The following ZNF831 variants were observed in gnomAD, a reference collection of about 807,000 sequenced individuals.
ZNF831 encodes the protein zinc finger protein 831.
ZNF831 carries 59 observed loss-of-function variants against 95.8 expected under a neutral mutation model. The observed-to-expected ratio is 0.62, with a 90% confidence interval of 0.50 to 0.77. The LOEUF is 0.77. ZNF831 is among the 30% of genes least tolerant of loss of function. The probability of loss-of-function intolerance (pLI) is 0.00; values close to 1 mark genes in which losing one functional copy is unlikely to be tolerated. For missense variants in ZNF831, 2,205 were observed against 2,164.0 expected (o/e 1.02, Z -0.38); for synonymous variants, 961 against 925.5 (o/e 1.04, Z -0.70).
intron 4 of ZNF831, among the ~76,000 whole-genome samples, chr20:59,243,848 A>T (rs552306236): frequency 1.6e-4 from 25 of 152,334 alleles, no homozygotes; most frequent in African/African-American, 5.8e-4. Context: ...TACAATTTTC[A>T]TTTAGAGTTA....
Position 59,217,693 on chromosome 20 carries a change from G to T in ZNF831, c.4027+10637G>T, listed in dbSNP as rs893080508. The stretch of plus-strand genomic sequence containing the variant: ...CAGCCCTCCTTGATTCTCACTAGGG[G>T]TCTGTTATCCATTCTGTCCGTGGAA... On this transcript the variant is annotated intron_variant, in intron 4 of 5. Transcript: ENST00000371030. This position sits in a 1 kb window ranked among gnomAD's most constrained non-coding sequence, Gnocchi z 4.4. 1.3e-5 allele frequency among the ~76,000 whole-genome samples: 2 copies of T among 152,144 alleles called. No individual in the cohort carries two copies. The highest frequency in any genetic ancestry group is 6.5e-5 in the Admixed American group (1 of 15,278).
chr20:59,215,157 T>C (rs1985593928), intron 4 of ZNF831, among the ~76,000 whole-genome samples: 1 of 152,248 alleles, frequency 6.6e-6, no homozygotes, highest in Non-Finnish European at 1.5e-5. Flanking sequence ...TGCTCTTATA[T>C]ATTTCCTTAG....
intron 1 of ZNF831, among the ~76,000 whole-genome samples, chr20:59,178,902 G>C (rs138619411): frequency 4.6e-5 from 7 of 152,222 alleles, no homozygotes; most frequent in African/African-American, 1.7e-4. Flanking sequence ...GTGGGATTTG[G>C]GTCGTCCTCC....
intron 3 of ZNF831, 138 bp from the exon 4 acceptor site, chr20:59,206,767 C>T: frequency 1.2e-6 from 1 of 865,470 alleles, no homozygotes; most frequent in Non-Finnish European, 1.8e-6. Flanking sequence ...ATGGAGGGAT[C>T]AGGAGTTGCT....
chr20:59,246,075 G>T (rs981353918), intron 4 of ZNF831, among the ~76,000 whole-genome samples: 1 of 152,070 alleles, frequency 6.6e-6, no homozygotes, highest in African/African-American at 2.4e-5. Context: ...TCACGGGCCT[G>T]GGCCAGCTCA....
chr20:59,131,922 A>G (rs1284130148), intron 1 of ZNF831, among the ~76,000 whole-genome samples: 1 of 152,120 alleles, frequency 6.6e-6, no homozygotes, highest in Non-Finnish European at 1.5e-5. Context: ...ACTTTTTTTC[A>G]TTATAAAAAT....
chr20:59,137,254 T>G (rs1381939476), intron 1 of ZNF831, among the ~76,000 whole-genome samples: 1 of 149,856 alleles, frequency 6.7e-6, no homozygotes, highest in Non-Finnish European at 1.5e-5. Flanking sequence ...TGCACTAATA[T>G]GCCTTTAATA....
intron 1 of ZNF831, among the ~76,000 whole-genome samples, chr20:59,167,384 G>T (rs1388598992): frequency 3.3e-5 from 5 of 151,064 alleles, no homozygotes; most frequent in African/African-American, 9.7e-5. Flanking sequence ...CAGATCTGTA[G>T]CTAGTTTTTT....
rs554719392 is a variant in ZNF831 at position 59,169,636 on chromosome 20, C to T, written c.-37+5429C>T. Among the ~76,000 whole-genome samples, 10 of 152,004 alleles carry T rather than the reference C, an allele frequency of 6.6e-5. 1 individual carries two copies. Among genetic ancestry groups the T allele is most frequent in the South Asian group, 6.2e-4 (3 of 4,808 alleles). ...CAAAAATTAGCCCGGTGTGGTGGTGCGCACCTGTAATCCCAGCATGTTGCA... is the reference window on the plus strand; with the variant it reads ...CAAAAATTAGCCCGGTGTGGTGGTGTGCACCTGTAATCCCAGCATGTTGCA... On this transcript the variant is annotated intron_variant, in intron 1 of 5. Transcript: ENST00000371030. This position sits in a 1 kb window ranked among gnomAD's most constrained non-coding sequence, Gnocchi z 4.1.
intron 1 of ZNF831, among the ~76,000 whole-genome samples, chr20:59,176,717 CAT>C (rs767920139): frequency 6.6e-6 from 1 of 152,230 alleles, no homozygotes; most frequent in Non-Finnish European, 1.5e-5. Context: ...AGGGTTAACT[CAT>C]ATAATATTCT....
At chr20:59,248,344 C>G (rs937336538) in intron 4 of ZNF831, among the ~76,000 whole-genome samples, 1 of 152,182 alleles carries the variant, frequency 6.6e-6, no homozygotes, top group African/African-American at 2.4e-5. Context: ...TGAAAAGGGC[C>G]ATTCATTTAA....
chr20:59,240,599 A>G (rs1410333373), intron 4 of ZNF831, among the ~76,000 whole-genome samples: 1 of 151,958 alleles, frequency 6.6e-6, no homozygotes. Flanking sequence ...CAGGAGATGG[A>G]GACCATCCTG....
In ZNF831 at chr20:59,208,481, C is replaced by T. The variant is rs1233938810; in HGVS notation, c.4027+1425C>T. On this transcript the variant is annotated intron_variant, in intron 4 of 5. Transcript: ENST00000371030. This position sits in a 1 kb window ranked among gnomAD's most constrained non-coding sequence, Gnocchi z 4.2. ...GTGCTCTCCAGGTGCCCTGTGGATG[C>T]CCCTCGTCTCTCCTTAAGAGTTTTC... 1.3e-5 allele frequency among the ~76,000 whole-genome samples: 2 copies of T among 152,236 alleles called. No individual in the cohort carries two copies. Among genetic ancestry groups the T allele is most frequent in the Non-Finnish European group, 2.9e-5 (2 of 68,044 alleles).
chr20:59,209,193 G>T (rs978453074), intron 4 of ZNF831, among the ~76,000 whole-genome samples: 1 of 152,168 alleles, frequency 6.6e-6, no homozygotes, highest in Non-Finnish European at 1.5e-5. Context: ...GAGATTCAAG[G>T]TGCAGCAATG....
intron 4 of ZNF831, among the ~76,000 whole-genome samples, chr20:59,227,120 G>T (rs956744709): frequency 3.3e-5 from 5 of 152,056 alleles, no homozygotes; most frequent in Non-Finnish European, 7.4e-5. Flanking sequence ...TGTGTTAAAG[G>T]TTCCCCTTCC....
intron 1 of ZNF831, among the ~76,000 whole-genome samples, chr20:59,141,911 G>T (rs961174084): frequency 6.6e-6 from 1 of 152,118 alleles, no homozygotes; most frequent in African/African-American, 2.4e-5. Context: ...GATTGGCCTG[G>T]ACCCTCGTCT....
chr20:59,199,376 G>A (rs1409738487), intron 3 of ZNF831, among the ~76,000 whole-genome samples: 2 of 151,864 alleles, frequency 1.3e-5, no homozygotes, highest in Non-Finnish European at 2.9e-5. Flanking sequence ...TTATGTATTT[G>A]GCACAAATCA....
intron 3 of ZNF831, among the ~76,000 whole-genome samples, chr20:59,204,777 C>T (rs958169138): frequency 6.6e-6 from 1 of 152,134 alleles, no homozygotes; most frequent in Non-Finnish European, 1.5e-5. Flanking sequence ...GCCCCAACAG[C>T]ACTGGCCACA....
intron 1 of ZNF831, among the ~76,000 whole-genome samples, chr20:59,171,248 G>A (rs1017103047): frequency 6.6e-6 from 1 of 152,202 alleles, no homozygotes; most frequent in Non-Finnish European, 1.5e-5. Flanking sequence ...CTCCTGCAAT[G>A]ACCCTCCAAC....
Sources: gnomAD v4.1 joint callset for allele counts (sites outside exome capture counted in the v4.1 genomes callset) on GRCh38, gnomAD v4.1.1 for gene constraint, Gnocchi (gnomAD v3.1) non-coding constraint, MANE v1.5 for transcripts, NCBI Gene and HGNC (gene_info 2026-07-23, HGNC 2026-07-21) for gene names.